Variants in CDC14A observed in about 807,000 individuals in gnomAD.
CDC14A encodes the protein dual specificity protein phosphatase CDC14A.
CDC14A carries 53 observed loss-of-function variants against 74.4 expected under a neutral mutation model. That is an observed-to-expected ratio of 0.71 (90% CI 0.57 to 0.89). The LOEUF is 0.89. Ranked by LOEUF, CDC14A falls within the 40% of genes least tolerant of loss-of-function variation. The pLI is 0.00. For missense variants in CDC14A, 646 were observed against 713.7 expected (o/e 0.91, Z 1.08); for synonymous variants, 247 against 258.4 (o/e 0.96, Z 0.43).
intron 11 of CDC14A, among the ~76,000 whole-genome samples, chr1:100,491,841 G>A (rs1432324368): frequency 6.7e-6 from 1 of 150,066 alleles, no homozygotes; most frequent in Non-Finnish European, 1.5e-5. Context: ...CAAAGTGCTG[G>A]GATTACAGGT....
At chr1:100,432,054 C>A (rs976356334) in intron 5 of CDC14A, among the ~76,000 whole-genome samples, 1 of 152,000 alleles carries the variant, frequency 6.6e-6, no homozygotes, top group Admixed American at 6.6e-5. Flanking sequence ...TAAAATGATT[C>A]CTGTATAGCC....
intron 3 of CDC14A, among the ~76,000 whole-genome samples, chr1:100,383,913 G>A (rs1232519452): frequency 6.9e-6 from 1 of 145,370 alleles, no homozygotes; most frequent in East Asian, 2.0e-4. Context: ...TTTTGGCTTT[G>A]GCTTTGAGCC....
chr1:100,461,496 T>G (rs1464016098), intron 8 of CDC14A, among the ~76,000 whole-genome samples: 3 of 152,232 alleles, frequency 2.0e-5, no homozygotes, highest in Non-Finnish European at 1.5e-5. Context: ...CTGAGATAAT[T>G]GCACTCAGCT....
chr1:100,428,757 A>T (rs142358434), intron 5 of CDC14A, among the ~76,000 whole-genome samples: 1 of 152,218 alleles, frequency 6.6e-6, no homozygotes, highest in African/African-American at 2.4e-5. Flanking sequence ...CATTGAAAAG[A>T]TAACCAATCT....
intron 10 of CDC14A, among the ~76,000 whole-genome samples, chr1:100,478,638 C>T (rs1328784596): frequency 6.6e-6 from 1 of 152,178 alleles, no homozygotes; most frequent in African/African-American, 2.4e-5. Flanking sequence ...AAATCTGGCT[C>T]TTGCAGGAAG....
At chr1:100,362,506 G>A (rs1648188628) in intron 2 of CDC14A, among the ~76,000 whole-genome samples, 1 of 151,850 alleles carries the variant, frequency 6.6e-6, no homozygotes, top group South Asian at 2.1e-4. Context: ...AATATTTCGG[G>A]GAAAGGATAT....
At chr1:100,453,082 A>C (rs1339530566) in intron 7 of CDC14A, among the ~76,000 whole-genome samples, 1 of 152,058 alleles carries the variant, frequency 6.6e-6, no homozygotes, top group Non-Finnish European at 1.5e-5. Flanking sequence ...CTAAGACCTA[A>C]ATCTTTTTGT....
intron 8 of CDC14A, 123 bp from the exon 9 acceptor site, chr1:100,462,528 C>T (rs1667409878): frequency 1.3e-6 from 1 of 743,808 alleles, no homozygotes; most frequent in Non-Finnish European, 2.2e-6. Context: ...TCTTCTCTCA[C>T]ACAACACACT....
chr1:100,491,576 T>A (rs866528564), intron 11 of CDC14A, among the ~76,000 whole-genome samples: 197 of 89,180 alleles, frequency 2.2e-3, no homozygotes, highest in Non-Finnish European at 3.3e-3. Flanking sequence ...ATATATATTT[T>A]TTTTTTTTTT....
In CDC14A at chr1:100,430,483, A is replaced by G. The variant is rs143488247; in HGVS notation, c.389+6182A>G. On this transcript the variant is annotated intron_variant, in intron 5 of 15. Coordinates refer to ENST00000336454, the MANE Select transcript of CDC14A (RefSeq NM_003672.4). ...GGCTGAGTCTTAATGGGAAATCTCA[A>G]AAGTAATTATTTTAGATCTTCTGGG... Among the ~76,000 whole-genome samples, 526 of 152,300 alleles carry G rather than the reference A, an allele frequency of 3.5e-3. 6 individuals carry two copies. The highest frequency in any genetic ancestry group is 0.012 in the African/African-American group (498 of 41,564).
chr1:100,491,570 A>ATTTT (rs1181639723), intron 11 of CDC14A, among the ~76,000 whole-genome samples: 87 of 64,912 alleles, frequency 1.3e-3, no homozygotes, highest in African/African-American at 5.1e-3. Context: ...ATATATATAT[A>ATTTT]TATTTTTTTT....
intron 8 of CDC14A, among the ~76,000 whole-genome samples, chr1:100,458,738 GA>G (rs1238099806): frequency 6.7e-6 from 1 of 150,148 alleles, no homozygotes; most frequent in Non-Finnish European, 1.5e-5. Context: ...TGAGGAGGCT[GA>G]AAGTCATTTT....
chr1:100,447,496 G>C (rs1207155337), intron 7 of CDC14A, among the ~76,000 whole-genome samples: 2 of 152,188 alleles, frequency 1.3e-5, no homozygotes, highest in Admixed American at 1.3e-4. Context: ...CTAGGAATCA[G>C]TGTCAAAACA....
chr1:100,439,535 CT>C (rs1664700152), intron 5 of CDC14A, among the ~76,000 whole-genome samples: 1 of 152,252 alleles, frequency 6.6e-6, no homozygotes, highest in African/African-American at 2.4e-5. Flanking sequence ...ATATGAAGGA[CT>C]TTACATATTT....
intron 10 of CDC14A, 151 bp from the exon 11 acceptor site, chr1:100,484,141 T>C: frequency 2.1e-6 from 1 of 470,902 alleles, no homozygotes; most frequent in Non-Finnish European, 3.7e-6. Flanking sequence ...TTGTTCTTTA[T>C]TCTAAGATAT....
upstream of CDC14A, among the ~76,000 whole-genome samples, chr1:100,351,973 AGTGTGTGTGTGT>A (rs35169146): frequency 7.8e-4 from 114 of 146,174 alleles, no homozygotes; most frequent in African/African-American, 2.6e-3. Context: ...GGTTTTTACG[AGTGTGTGTGTGT>A]GTGTGTGTGT....
At chr1:100,351,777 T>G, upstream of CDC14A, 1 of 1,550,560 alleles carries the variant, frequency 6.4e-7, no homozygotes, top group Non-Finnish European at 8.7e-7. Context: ...TTTTGTCCCG[T>G]GAGAACAAAG....
chr1:100,420,600 G>A (rs1334524545), intron 4 of CDC14A, among the ~76,000 whole-genome samples: 2 of 152,234 alleles, frequency 1.3e-5, no homozygotes, highest in African/African-American at 2.4e-5. Flanking sequence ...ATTCATTTAT[G>A]TATAGACTCA....
At position 100,484,416 on chromosome 1, in the gene CDC14A, C is replaced by G; in HGVS notation, c.1102C>G (p.Leu368Val). The change falls in exon 11 of 16, where the codon CTT (leucine) becomes GTT (valine). Residue 368 changes from leucine to valine, a missense_variant. Transcript: ENST00000336454. ...AGATGATATGTCTATTGGTGGAAAT[C>G]TTTCAAAAACACAAAACATGGAACG... is the stretch of plus-strand genomic sequence containing the variant. ...GLDDMSIGGNLSKTQNMERFG... is the reference protein window; with the variant it reads ...GLDDMSIGGNVSKTQNMERFG... 2 of 1,605,376 alleles carry G rather than the reference C, an allele frequency of 1.2e-6. No individual in the cohort carries two copies. Among genetic ancestry groups the G allele is most frequent in the Non-Finnish European group, 1.7e-6 (2 of 1,176,420 alleles).
Sources: gnomAD v4.1 joint callset for allele counts (sites outside exome capture counted in the v4.1 genomes callset) on GRCh38, gnomAD v4.1.1 for gene constraint, MANE v1.5 for transcripts, NCBI Gene and HGNC (gene_info 2026-07-23, HGNC 2026-07-21) for gene names.